Variants in OCA2 observed in about 807,000 individuals in gnomAD.
OCA2 encodes the protein OCA2 melanosomal transmembrane protein.
A neutral mutation model predicts 100.2 loss-of-function variants in OCA2; 77 were observed. That is an observed-to-expected ratio of 0.77 (90% CI 0.64 to 0.93). OCA2 has a LOEUF of 0.93. Ranked by LOEUF, OCA2 falls within the 40% of genes least tolerant of loss-of-function variation. The pLI is 0.00. For missense variants in OCA2, 1,062 were observed against 1,089.1 expected (o/e 0.98, Z 0.35); for synonymous variants, 432 against 439.2 (o/e 0.98, Z 0.21).
chr15:27,753,541 G>A (rs1341248626), downstream of OCA2, among the ~76,000 whole-genome samples: 4 of 152,038 alleles, frequency 2.6e-5, no homozygotes, highest in East Asian at 1.9e-4. Context: ...AGACCATCCT[G>A]GCTAACACAG....
chr15:27,829,975 G>A (rs1453724987), intron 23 of OCA2, among the ~76,000 whole-genome samples: 1 of 152,140 alleles, frequency 6.6e-6, no homozygotes, highest in Non-Finnish European at 1.5e-5. Context: ...ATATTATAAA[G>A]ATGTTAATTC....
At chr15:28,070,388 G>A (rs1321844129) in intron 2 of OCA2, among the ~76,000 whole-genome samples, 1 of 137,058 alleles carries the variant, frequency 7.3e-6, no homozygotes, top group Non-Finnish European at 1.5e-5. Context: ...CGCCCCTACT[G>A]GGAAGTGAGG....
Position 28,022,548 on chromosome 15 carries a change from T to C in OCA2, c.599A>G (p.Gln200Arg), listed in dbSNP as rs745745058. 9 of 1,614,056 alleles carry C rather than the reference T, an allele frequency of 5.6e-6. No homozygotes were observed. The South Asian group carries it at 9.9e-5, about 18-fold the overall frequency. Residue 200 changes from glutamine to arginine, a missense_variant, in exon 6 of 24, where the codon CAA becomes CGA. Physicochemically the swap from Gln to Arg is conservative, Grantham distance 43. Transcript: ENST00000354638. ...GGCCAACAGCTGCCAGAGCTTTCCTTGATCCGGATATAGGCTGAACAAAAT... is the reference window on the plus strand; with the variant it reads ...GGCCAACAGCTGCCAGAGCTTTCCTCGATCCGGATATAGGCTGAACAAAAT... ...CSILFSLYPD[Q>R]GKLWQLLALS... is the part of the protein sequence containing the mutation.
At chr15:27,841,838 G>A (rs1245832983) in intron 23 of OCA2, among the ~76,000 whole-genome samples, 1 of 152,182 alleles carries the variant, frequency 6.6e-6, no homozygotes, top group Non-Finnish European at 1.5e-5. Context: ...AACAAAACAT[G>A]AGTCTATTGT....
In OCA2 at chr15:27,769,645, TA is replaced by T. The variant is rs58595995; in HGVS notation, c.2433-14174del. On this transcript the variant is annotated intron_variant, in intron 23 of 23. Coordinates refer to ENST00000354638, the MANE Select transcript of OCA2 (RefSeq NM_000275.3). Reference sequence around the variant, plus strand: ...CTGTTCCCCCTAAAACCTATTGAAATAAAAAAAAAGGCTTTAATAACAAACC... The same window carrying T: ...CTGTTCCCCCTAAAACCTATTGAAATAAAAAAAAGGCTTTAATAACAAACC... 2.3e-4 allele frequency among the ~76,000 whole-genome samples: 34 copies of T among 150,494 alleles called. 1 individual carries two copies. The highest frequency in any genetic ancestry group is 6.3e-4 in the South Asian group (3 of 4,750).
intron 23 of OCA2, among the ~76,000 whole-genome samples, chr15:27,779,735 A>T (rs907831323): frequency 6.6e-6 from 1 of 152,108 alleles, no homozygotes; most frequent in South Asian, 2.1e-4. Flanking sequence ...ATGTCTTTTG[A>T]TTGGGGAATT....
At chr15:27,945,481 A>G (rs906520763) in intron 18 of OCA2, among the ~76,000 whole-genome samples, 1 of 152,148 alleles carries the variant, frequency 6.6e-6, no homozygotes, top group Non-Finnish European at 1.5e-5. Context: ...AGCACTGCAG[A>G]TGCCGGGGTG....
chr15:28,075,426 G>A (rs1009427783), intron 2 of OCA2, among the ~76,000 whole-genome samples: 1 of 152,168 alleles, frequency 6.6e-6, no homozygotes, highest in African/African-American at 2.4e-5. Context: ...TCAATATTAA[G>A]TGCTGACAAT....
chr15:27,913,869 A>AAGAAAG lies in OCA2; in HGVS notation c.2079+12252_2079+12257dup, dbSNP rs2038519066. On this transcript the variant is annotated intron_variant, in intron 19 of 23. Transcript: ENST00000354638. ...AAAGAAAGAAAGAAAGAAAGAAAGAAAGAAAGAAAGAAAGAAAGAAAGAAA... is the reference window on the plus strand; with the variant it reads ...AAAGAAAGAAAGAAAGAAAGAAAGAAAGAAAGAGAAAGAAAGAAAGAAAGAAAGAAA... 3.5e-4 allele frequency among the ~76,000 whole-genome samples: 19 copies of AAGAAAG among 54,382 alleles called. 2 individuals carry two copies. The highest frequency in any genetic ancestry group is 1.5e-3 in the African/African-American group (16 of 10,930). 35.7% of individuals were successfully genotyped at this position (54,382 alleles called of 152,430 possible).
At chr15:27,994,873 G>T (rs1413145543) in intron 9 of OCA2, among the ~76,000 whole-genome samples, 1 of 152,118 alleles carries the variant, frequency 6.6e-6, no homozygotes, top group African/African-American at 2.4e-5. Flanking sequence ...GTAAATTCCA[G>T]ATAGGTGGGA....
chr15:28,070,549 G>A (rs1232300281), intron 2 of OCA2, among the ~76,000 whole-genome samples: 1 of 143,778 alleles, frequency 7.0e-6, no homozygotes, highest in African/African-American at 2.6e-5. Flanking sequence ...GGGGGGGTCA[G>A]CCCTCCGCCC....
At chr15:28,071,065 C>T (rs2044244156) in intron 2 of OCA2, among the ~76,000 whole-genome samples, 2 of 137,314 alleles carry the variant, frequency 1.5e-5, no homozygotes, top group African/African-American at 2.8e-5. Flanking sequence ...AACCAGAGAC[C>T]TTTGTTCACT....
chr15:27,768,528 C>T (rs991402275), intron 23 of OCA2, among the ~76,000 whole-genome samples: 11 of 152,164 alleles, frequency 7.2e-5, no homozygotes, highest in African/African-American at 2.7e-4. Flanking sequence ...TGTAAATTCT[C>T]GGTAACAACT....
chr15:27,933,477 C>T (rs550566831), intron 18 of OCA2, among the ~76,000 whole-genome samples: 18 of 152,156 alleles, frequency 1.2e-4, no homozygotes, highest in East Asian at 7.7e-4. Context: ...CACGCGTGTC[C>T]GTATGAAGAG....
intron 2 of OCA2, among the ~76,000 whole-genome samples, chr15:28,073,629 T>A (rs978593952): frequency 2.0e-5 from 3 of 151,982 alleles, no homozygotes; most frequent in Non-Finnish European, 4.4e-5. Flanking sequence ...GTTAAAAAAA[T>A]AAAAAACTAC....
At chr15:28,092,365 A>AT (rs1339917876) in intron 1 of OCA2, among the ~76,000 whole-genome samples, 1 of 151,774 alleles carries the variant, frequency 6.6e-6, no homozygotes, top group Non-Finnish European at 1.5e-5. Context: ...TAAATTGTAC[A>AT]TTTTTTTTGA....
rs906939005 is a variant in OCA2, at chr15:28,022,367, C to T, written c.646+134G>A. 31 of 702,818 alleles carry T rather than the reference C, an allele frequency of 4.4e-5. No individual in the cohort carries two copies. In the Middle Eastern group the frequency reaches 1.3e-3, roughly 30 times the overall value. 43.5% of individuals were successfully genotyped at this position (702,818 alleles called of 1,614,324 possible). ...TGAGACTCCATCTCTCATCAGACAT[C>T]CTGGAGAAACAAAATTCGAGTGGTA... is the stretch of plus-strand genomic sequence containing the variant. On this transcript the variant is annotated intron_variant, in intron 6 of 23. Transcript: ENST00000354638.
chr15:28,005,352 G>A (rs547961559), intron 9 of OCA2, among the ~76,000 whole-genome samples: 1 of 152,110 alleles, frequency 6.6e-6, no homozygotes. Flanking sequence ...CAAAACCGGA[G>A]CACAACACCT....
intron 18 of OCA2, among the ~76,000 whole-genome samples, chr15:27,941,398 T>C (rs1425446492): frequency 1.3e-5 from 2 of 152,206 alleles, no homozygotes; most frequent in African/African-American, 2.4e-5. Context: ...TTATCCAACC[T>C]TTTAAAAATC....
Sources: gnomAD v4.1 joint callset for allele counts (sites outside exome capture counted in the v4.1 genomes callset) on GRCh38, gnomAD v4.1.1 for gene constraint, MANE v1.5 for transcripts, NCBI Gene and HGNC (gene_info 2026-07-23, HGNC 2026-07-21) for gene names.